MICAL3: variants seen among roughly 807,000 people sequenced by gnomAD.
MICAL3 encodes the protein [F-actin]-monooxygenase MICAL3.
Under a neutral mutation model 207.4 loss-of-function variants are expected in MICAL3, and 62 were observed. That is an observed-to-expected ratio of 0.30 (90% CI 0.24 to 0.37). The LOEUF (loss-of-function observed/expected upper bound fraction) is 0.37. Ranked by LOEUF, MICAL3 falls within the 10% of genes least tolerant of loss-of-function variation. The pLI, the probability that MICAL3 is intolerant of heterozygous loss-of-function variation, is 1.00. For synonymous variants in MICAL3, 1,077 were observed against 1,069.3 expected, an observed-to-expected ratio of 1.01 and a Z score of -0.14; for missense variants, 2,368 against 2,635.6, an observed-to-expected ratio of 0.90 and a Z score of 2.22.
At chr22:17,850,197 C>T (rs1240128889) in intron 19 of MICAL3, among the ~76,000 whole-genome samples, 2 of 151,824 alleles carry the variant, frequency 1.3e-5, no homozygotes, top group Non-Finnish European at 2.9e-5. Context: ...AGGAAAAAAC[C>T]CAATAGGGAA....
intron 25 of MICAL3, 52 bp downstream of exon 25, chr22:17,821,375 C>T: frequency 6.8e-7 from 1 of 1,471,458 alleles, no homozygotes; most frequent in East Asian, 2.6e-5. Flanking sequence ...TAATATGTGT[C>T]CTTGGGGTCC....
chr22:17,842,791 T>C (rs1381819417), intron 19 of MICAL3, among the ~76,000 whole-genome samples: 1 of 152,196 alleles, frequency 6.6e-6, no homozygotes, highest in Admixed American at 6.5e-5. Flanking sequence ...CCGGAGTCCT[T>C]TGTGTGCACA....
chr22:17,847,633 C>G (rs955738651), intron 19 of MICAL3, among the ~76,000 whole-genome samples: 1 of 152,194 alleles, frequency 6.6e-6, no homozygotes, highest in Non-Finnish European at 1.5e-5. Context: ...GACCACCTTC[C>G]GGCGTCACCT....
chr22:17,817,025 G>A (rs998135201), intron 26 of MICAL3, among the ~76,000 whole-genome samples: 2 of 151,130 alleles, frequency 1.3e-5, no homozygotes, highest in Admixed American at 6.6e-5. Flanking sequence ...TGGTAGCACT[G>A]CCCTCTGCCC....
At chr22:17,795,384 T>C (rs2061864465) in intron 29 of MICAL3, among the ~76,000 whole-genome samples, 1 of 152,194 alleles carries the variant, frequency 6.6e-6, no homozygotes, top group Admixed American at 6.5e-5. Context: ...CACAGGTGAA[T>C]AGGCCATGCT....
intron 29 of MICAL3, among the ~76,000 whole-genome samples, chr22:17,806,826 T>C (rs1431784707): frequency 2.6e-5 from 4 of 152,272 alleles, no homozygotes; most frequent in Non-Finnish European, 5.9e-5. Flanking sequence ...AATGTGATTA[T>C]CTAATGACTA....
intron 1 of MICAL3, among the ~76,000 whole-genome samples, chr22:17,988,262 C>G (rs1045085722): frequency 1.3e-5 from 2 of 152,196 alleles, no homozygotes; most frequent in African/African-American, 4.8e-5. Flanking sequence ...TCCTTTCTAT[C>G]TTATCAGTGT....
chr22:17,887,330 G>A lies in MICAL3; in HGVS notation c.1997C>T (p.Ser666Phe). ...AGAGACTCCTCCACATACCTTGGGA[G>A]AACGCTTCCGAGAGATGGTCTGGCC... ...KLGQTISRKR[S>F]PKDKKEKDLD... is the part of the protein sequence containing the mutation. Residue 666 changes from serine to phenylalanine, a missense_variant, in exon 14 of 32, where the codon TCT (serine) becomes TTT (phenylalanine). By Grantham distance (155) the Ser-to-Phe change is radical. Around this residue, in one of 4 missense-constraint regions of MICAL3, gnomAD observed 1,770 missense variants for 1,863.2 expected, o/e 0.95. Coordinates refer to ENST00000441493, the MANE Select transcript of MICAL3 (RefSeq NM_015241.3). 6.2e-7 allele frequency: 1 copy of A among 1,613,590 alleles called. No individual in the cohort carries two copies. The highest frequency in any genetic ancestry group is 1.3e-5 in the African/African-American group (1 of 75,054).
chr22:17,961,786 CA>C (rs1477269739), intron 1 of MICAL3, among the ~76,000 whole-genome samples: 1 of 152,196 alleles, frequency 6.6e-6, no homozygotes, highest in Non-Finnish European at 1.5e-5. Context: ...GCGCCCCTTC[CA>C]AGGCAGGCCC....
chr22:17,901,044 G>A (rs1448232069), intron 5 of MICAL3, 47 bp from the exon 6 acceptor site: 2 of 1,585,598 alleles, frequency 1.3e-6, no homozygotes, highest in Non-Finnish European at 1.7e-6. Context: ...GGCTAGAGAA[G>A]GAAGATCACT....
intron 1 of MICAL3, among the ~76,000 whole-genome samples, chr22:17,937,949 A>G (rs1404630598): frequency 6.6e-6 from 1 of 152,262 alleles, no homozygotes; most frequent in Non-Finnish European, 1.5e-5. Flanking sequence ...TTTCAAGGTC[A>G]GATGTCAAGC....
intron 1 of MICAL3, chr22:18,007,137 T>C (rs1923440850): frequency 6.6e-6 from 1 of 152,162 alleles, no homozygotes; most frequent in Admixed American, 6.5e-5. Flanking sequence ...ATTACAGGCG[T>C]GAGCCACCGC....
chr22:17,831,346 G>A (rs1353740935), intron 21 of MICAL3, among the ~76,000 whole-genome samples: 1 of 152,180 alleles, frequency 6.6e-6, no homozygotes, highest in African/African-American at 2.4e-5. Context: ...GAACCAGCCA[G>A]AGTGGCTGGC....
At chr22:17,868,149 A>G (rs1927338089) in intron 17 of MICAL3, among the ~76,000 whole-genome samples, 1 of 152,220 alleles carries the variant, frequency 6.6e-6, no homozygotes, top group South Asian at 2.1e-4. Flanking sequence ...TCAACTGCTC[A>G]GTAGCCGTGT....
intron 19 of MICAL3, among the ~76,000 whole-genome samples, chr22:17,844,783 TGCTG>T (rs1432245724): frequency 3.9e-5 from 6 of 152,226 alleles, no homozygotes; most frequent in Non-Finnish European, 8.8e-5. Context: ...TATGCTATGA[TGCTG>T]GGCTAGGGCA....
At chr22:18,019,265 T>C (rs990587734) in intron 1 of MICAL3, 12 of 153,880 alleles carry the variant, frequency 7.8e-5, no homozygotes, top group Non-Finnish European at 1.6e-4. Context: ...CATTAATGGT[T>C]GTATTATTGT....
intron 19 of MICAL3, chr22:17,863,756 G>C: frequency 1.0e-6 from 1 of 985,372 alleles, no homozygotes; most frequent in African/African-American, 1.7e-5. Context: ...ACATGAACCA[G>C]CTGTTAGGGA....
chr22:17,932,464 G>A (rs986932781), intron 1 of MICAL3, among the ~76,000 whole-genome samples: 2 of 152,184 alleles, frequency 1.3e-5, no homozygotes, highest in African/African-American at 4.8e-5. Context: ...CCTTACAAGA[G>A]CTCCTGAAGG....
chr22:17,947,218 G>A (rs1416087827), intron 1 of MICAL3, among the ~76,000 whole-genome samples: 2 of 152,090 alleles, frequency 1.3e-5, no homozygotes, highest in East Asian at 3.9e-4. Context: ...TGCAGCCTGG[G>A]CCCTGCCAGC....
Sources: allele counts gnomAD v4.1 joint callset (sites outside exome capture counted in the v4.1 genomes callset), GRCh38; gene constraint gnomAD v4.1.1; regional missense constraint gnomAD v4.1.1; transcripts MANE v1.5; gene names NCBI Gene and HGNC (gene_info 2026-07-23, HGNC 2026-07-21).